Variants in PCDHAC1 observed in about 807,000 individuals in gnomAD.
The protein encoded by PCDHAC1 is protocadherin alpha-C1.
PCDHAC1 carries 42 observed loss-of-function variants against 60.0 expected under a neutral mutation model. The ratio of observed to expected loss-of-function variants is 0.70; its 90% CI spans 0.55 to 0.90. PCDHAC1 has a LOEUF of 0.90. Among genes scored for constraint, PCDHAC1 ranks in the 40% least tolerant of loss-of-function variants. PCDHAC1 has a pLI of 0.00. For synonymous variants in PCDHAC1, 468 were observed against 499.3 expected, an observed-to-expected ratio of 0.94 and a Z score of 0.84; for missense variants, 1,160 against 1,222.3, an observed-to-expected ratio of 0.95 and a Z score of 0.76.
chr5:141,001,520 C>G (rs542518188), intron 3 of PCDHAC1, among the ~76,000 whole-genome samples: 1 of 152,300 alleles, frequency 6.6e-6, no homozygotes, highest in South Asian at 2.1e-4. Flanking sequence ...CTTTCTCCCT[C>G]TCTCTCTGAT....
At chr5:140,935,840 G>T (rs155359) in intron 1 of PCDHAC1, among the ~76,000 whole-genome samples, 87,412 of 151,068 alleles carry the variant, frequency 0.58, 26,203 homozygotes, top group African/African-American at 0.75. Context: ...ATTCCATACT[G>T]CTTAATGGTG....
At chr5:140,964,199 A>C (rs1183847716) in intron 1 of PCDHAC1, among the ~76,000 whole-genome samples, 1 of 152,240 alleles carries the variant, frequency 6.6e-6, no homozygotes, top group Admixed American at 6.5e-5. Context: ...AGAGTATACC[A>C]TCTCTTTAGT....
At chr5:140,993,509 CGG>C (rs2097568014) in intron 3 of PCDHAC1, among the ~76,000 whole-genome samples, 2 of 143,600 alleles carry the variant, frequency 1.4e-5, no homozygotes, top group South Asian at 4.6e-4. Context: ...CACACACACA[CGG>C]GGAGAGAGAG....
At chr5:140,937,039 CTT>C (rs34994034) in intron 1 of PCDHAC1, among the ~76,000 whole-genome samples, 9 of 140,130 alleles carry the variant, frequency 6.4e-5, no homozygotes, top group Admixed American at 7.1e-5. Context: ...TTCCATTTAT[CTT>C]TTTTTTTTTT....
intron 3 of PCDHAC1, among the ~76,000 whole-genome samples, chr5:140,985,689 C>A (rs1237077456): frequency 6.6e-6 from 1 of 151,906 alleles, no homozygotes; most frequent in African/African-American, 2.4e-5. Flanking sequence ...TTACGCTAAT[C>A]CTCGTTCATA....
At chr5:140,956,551 C>T (rs995941205) in intron 1 of PCDHAC1, among the ~76,000 whole-genome samples, 1 of 152,148 alleles carries the variant, frequency 6.6e-6, no homozygotes, top group Non-Finnish European at 1.5e-5. Context: ...ATTTGGTTTG[C>T]CAGTATCTTA....
chr5:140,985,900 C>A (rs896937826), intron 3 of PCDHAC1, among the ~76,000 whole-genome samples: 2 of 151,872 alleles, frequency 1.3e-5, no homozygotes, highest in Non-Finnish European at 2.9e-5. Context: ...CCACCACTCC[C>A]GTCTAATTTT....
At chr5:140,949,231 C>G (rs971361200) in intron 1 of PCDHAC1, among the ~76,000 whole-genome samples, 11 of 151,628 alleles carry the variant, frequency 7.3e-5, no homozygotes, top group African/African-American at 2.4e-4. Flanking sequence ...TGTTCTGTGG[C>G]CCAGCAACAG....
At chr5:140,944,596 G>A (rs2093672992) in intron 1 of PCDHAC1, among the ~76,000 whole-genome samples, 1 of 152,138 alleles carries the variant, frequency 6.6e-6, no homozygotes, top group Admixed American at 6.5e-5. Context: ...ATTTCCCTGG[G>A]TAGAGTAGTG....
chr5:140,966,852 T>C, intron 1 of PCDHAC1: 1 of 1,572,518 alleles, frequency 6.4e-7, no homozygotes, highest in South Asian at 1.1e-5. Flanking sequence ...CTGCCTCTCC[T>C]GCTGCTGTTG....
chr5:140,971,035 C>T (rs1251023371), intron 1 of PCDHAC1, among the ~76,000 whole-genome samples: 1 of 152,098 alleles, frequency 6.6e-6, no homozygotes, highest in African/African-American at 2.4e-5. Flanking sequence ...TTTGAAAGCA[C>T]GTAAAAGGGT....
In PCDHAC1 at chr5:140,952,512, CATCT is replaced by C. The variant is rs2094757607; in HGVS notation, c.2433+23188_2433+23191del. ...CAGTCCTCAGTAAGTTCCTCATCTC[CATCT>C]GAGACCTCCTCAGACTGGACTTCTT... On this transcript the variant is annotated intron_variant, in intron 1 of 3. Coordinates refer to ENST00000253807, the MANE Select transcript of PCDHAC1 (RefSeq NM_018898.5). 2.0e-5 allele frequency among the ~76,000 whole-genome samples: 3 copies of C among 152,242 alleles called. No individual in the cohort carries two copies. The South Asian group carries it at 6.2e-4, about 32-fold the overall frequency.
intron 1 of PCDHAC1, among the ~76,000 whole-genome samples, chr5:140,944,072 A>C (rs868935645): frequency 6.6e-6 from 1 of 152,218 alleles, no homozygotes; most frequent in Non-Finnish European, 1.5e-5. Context: ...CTTGTTAAAG[A>C]TAAAGGAGGC....
chr5:140,988,411 A>G (rs2097296392), intron 3 of PCDHAC1, among the ~76,000 whole-genome samples: 1 of 152,144 alleles, frequency 6.6e-6, no homozygotes, highest in South Asian at 2.1e-4. Context: ...TTCGCAGCTT[A>G]TGTAAAGAAT....
At chr5:140,996,590 C>G (rs1325471388) in intron 3 of PCDHAC1, among the ~76,000 whole-genome samples, 7 of 152,096 alleles carry the variant, frequency 4.6e-5, no homozygotes, top group African/African-American at 1.7e-4. Context: ...CAAGGGCCGC[C>G]TCCCCCCATT....
At chr5:140,979,826 G>A (rs1338756237) in intron 2 of PCDHAC1, among the ~76,000 whole-genome samples, 1 of 152,184 alleles carries the variant, frequency 6.6e-6, no homozygotes, top group East Asian at 1.9e-4. Context: ...TAATTTTAAA[G>A]AAGAAATAAT....
intron 1 of PCDHAC1, among the ~76,000 whole-genome samples, chr5:140,943,840 G>T (rs528235230): frequency 1.4e-4 from 21 of 152,316 alleles, no homozygotes; most frequent in Non-Finnish European, 2.8e-4. Context: ...GAAGTTGTAA[G>T]ATGTCACAGA....
chr5:140,949,656 GT>G (rs782242887), intron 1 of PCDHAC1, among the ~76,000 whole-genome samples: 5 of 151,274 alleles, frequency 3.3e-5, no homozygotes, highest in Non-Finnish European at 7.4e-5. Context: ...TTTTACTTTT[GT>G]TTCTTTAAAG....
intron 1 of PCDHAC1, among the ~76,000 whole-genome samples, chr5:140,955,553 C>A (rs782183120): frequency 2.6e-5 from 4 of 152,088 alleles, no homozygotes; most frequent in Non-Finnish European, 5.9e-5. Flanking sequence ...TGAGGCCTCC[C>A]CAGCCATACT....
Sources: gnomAD v4.1 joint callset for allele counts (sites outside exome capture counted in the v4.1 genomes callset) on GRCh38, gnomAD v4.1.1 for gene constraint, MANE v1.5 for transcripts, NCBI Gene and HGNC (gene_info 2026-07-23, HGNC 2026-07-21) for gene names.